The following KIF26B variants were observed in gnomAD, a reference collection of about 807,000 sequenced individuals.
The protein encoded by KIF26B is kinesin-like protein KIF26B.
Under a neutral mutation model 151.2 loss-of-function variants are expected in KIF26B, and 63 were observed. That is an observed-to-expected ratio of 0.42 (90% CI 0.34 to 0.51). KIF26B has a LOEUF of 0.51. KIF26B is among the 20% of genes least tolerant of loss of function. KIF26B has a pLI of 0.07. For missense variants in KIF26B, 2,813 were observed against 2,913.6 expected (o/e 0.97, Z 0.79); for synonymous variants, 1,357 against 1,262.1 (o/e 1.08, Z -1.59).
At chr1:245,391,925 C>T (rs755680123) in intron 3 of KIF26B, among the ~76,000 whole-genome samples, 1 of 151,740 alleles carries the variant, frequency 6.6e-6, no homozygotes, top group Non-Finnish European at 1.5e-5. Context: ...ATCAGGAGAC[C>T]CTGGGAAAGA....
intron 8 of KIF26B, among the ~76,000 whole-genome samples, chr1:245,609,799 C>CA (rs11379502): frequency 0.49 from 72,545 of 148,178 alleles, 18,208 homozygotes; most frequent in East Asian, 0.66. Flanking sequence ...ATGCCCCTTT[C>CA]AAAAAAAAAA....
intron 2 of KIF26B, among the ~76,000 whole-genome samples, chr1:245,209,965 C>T (rs1235256839): frequency 6.6e-6 from 1 of 152,232 alleles, no homozygotes; most frequent in Non-Finnish European, 1.5e-5. Context: ...TGACTGTTAA[C>T]CTGTGGGGGT....
intron 4 of KIF26B, among the ~76,000 whole-genome samples, chr1:245,464,280 C>T (rs924003770): frequency 3.3e-5 from 5 of 152,324 alleles, no homozygotes; most frequent in Middle Eastern, 3.4e-3. Flanking sequence ...GAGTCGATGT[C>T]TCAGGAGAGG....
At position 245,390,943 on chromosome 1, in the gene KIF26B, A is replaced by AAAAACAAAACAAAAC. The variant is rs1553270126; in HGVS notation, c.999+23580_999+23581insCAAAACAAAACAAAA. Among the ~76,000 whole-genome samples the AAAAACAAAACAAAAC allele has an allele frequency of 1.7e-3, 206 of 118,430 alleles. 9 individuals carry two copies. The highest frequency in any genetic ancestry group is 8.3e-3 in the African/African-American group (203 of 24,420). 77.7% of individuals were successfully genotyped at this position (118,430 alleles called of 152,430 possible). A position where few individuals can be genotyped will look rare whatever the true frequency, so the allele number is the denominator to read the frequency against. On this transcript the variant is annotated intron_variant, in intron 3 of 14. Coordinates refer to ENST00000407071, the MANE Select transcript of KIF26B (RefSeq NM_018012.4). Reference sequence around the variant, plus strand: ...TCTCAAAAAAAAAAAAAAAAAAAAAAAAAAAAAAACCACCATAAAATTTTG... The same window carrying AAAAACAAAACAAAAC: ...TCTCAAAAAAAAAAAAAAAAAAAAAAAAAACAAAACAAAACAAAAAAAAACCACCATAAAATTTTG...
intron 4 of KIF26B, among the ~76,000 whole-genome samples, chr1:245,472,565 T>G (rs1237568279): frequency 6.6e-6 from 1 of 152,222 alleles, no homozygotes; most frequent in African/African-American, 2.4e-5. Context: ...TAAAAAGTTT[T>G]GGATTCTGGA....
chr1:245,359,022 C>CTTTT (rs544907561), intron 2 of KIF26B, among the ~76,000 whole-genome samples: 2 of 147,556 alleles, frequency 1.4e-5, no homozygotes, highest in African/African-American at 2.5e-5. Flanking sequence ...GTTTCTCTCT[C>CTTTT]TTTTTTTTTT....
intron 4 of KIF26B, among the ~76,000 whole-genome samples, chr1:245,437,933 T>A (rs1658974243): frequency 6.6e-6 from 1 of 152,162 alleles, no homozygotes; most frequent in African/African-American, 2.4e-5. Context: ...CTCTAAGAAT[T>A]TAGTCCCATT....
intron 2 of KIF26B, among the ~76,000 whole-genome samples, chr1:245,276,227 C>G (rs1342088949): frequency 6.6e-6 from 1 of 151,982 alleles, no homozygotes; most frequent in African/African-American, 2.4e-5. Flanking sequence ...CCCAACTACT[C>G]AGGAGGCTGA....
chr1:245,435,529 G>T (rs1483656012), intron 4 of KIF26B, among the ~76,000 whole-genome samples: 1 of 152,188 alleles, frequency 6.6e-6, no homozygotes, highest in Non-Finnish European at 1.5e-5. Flanking sequence ...TACTTGTCTA[G>T]CTTATTCCAT....
At position 245,540,722 on chromosome 1, in the gene KIF26B, G is replaced by T. The variant is rs1028203015; in HGVS notation, c.1167-45G>T. The T allele has an allele frequency of 5.2e-6, 8 of 1,537,838 alleles. No individual in the cohort carries two copies. The African/African-American group carries it at 1.1e-4, about 21-fold the overall frequency. ...AAAACGAAGTAAGCCTAGCAGATCT[G>T]ATCGTACAATCATTTTCCCCTTATT... On this transcript the variant is annotated intron_variant, in intron 4 of 14. Coordinates refer to ENST00000407071, the MANE Select transcript of KIF26B (RefSeq NM_018012.4). The surrounding 1 kb of genome is among the most constrained non-coding windows in gnomAD (Gnocchi z 4.6).
At chr1:245,156,205 G>A in intron 1 of KIF26B, 77 bp from the exon 2 acceptor site, 1 of 1,491,000 alleles carries the variant, frequency 6.7e-7, no homozygotes, top group Non-Finnish European at 8.9e-7. Flanking sequence ...GTACTTGGTG[G>A]CGCACGTATG....
intron 4 of KIF26B, among the ~76,000 whole-genome samples, chr1:245,433,165 T>C (rs1658821699): frequency 6.6e-6 from 1 of 152,116 alleles, no homozygotes; most frequent in African/African-American, 2.4e-5. Context: ...GAGACTCAAA[T>C]ATTTAAAAGC....
chr1:245,311,445 C>T lies in KIF26B; in HGVS notation c.466-55389C>T, dbSNP rs9428353. 4.7e-3 allele frequency among the ~76,000 whole-genome samples: 719 copies of T among 151,976 alleles called. 4 individuals are homozygous for T. Among genetic ancestry groups the T allele is most frequent in the African/African-American group, 0.016 (656 of 41,450 alleles). On this transcript the variant is annotated intron_variant, in intron 2 of 14. Transcript: ENST00000407071. ...CGCCTGCTCTTTTTTGGGGAAGTTC[C>T]ACCTCACTGCAGCCGGGTATGGTGG...
At chr1:245,464,996 T>C in intron 4 of KIF26B, among the ~76,000 whole-genome samples, 1 of 84,390 alleles carries the variant, frequency 1.2e-5, no homozygotes, top group South Asian at 3.4e-4. Context: ...TTTTTTTTTT[T>C]GAGACTGAGT....
At chr1:245,298,230 G>A (rs545779852) in intron 2 of KIF26B, among the ~76,000 whole-genome samples, 182 of 152,254 alleles carry the variant, frequency 1.2e-3, no homozygotes, top group African/African-American at 4.1e-3. Flanking sequence ...CATTCACTAC[G>A]AGTAGGCTCA....
At chr1:245,345,294 TC>T (rs1242820506) in intron 2 of KIF26B, among the ~76,000 whole-genome samples, 1 of 151,996 alleles carries the variant, frequency 6.6e-6, no homozygotes, top group East Asian at 1.9e-4. Context: ...AGAAACCTCA[TC>T]CCCTCCCTCC....
chr1:245,243,799 C>G (rs946168020), intron 2 of KIF26B, among the ~76,000 whole-genome samples: 1 of 151,544 alleles, frequency 6.6e-6, no homozygotes, highest in African/African-American at 2.4e-5. Flanking sequence ...TGCAGTGGGC[C>G]GAGATCATGC....
rs1202764836 is a variant in KIF26B, at chr1:245,218,095, C to T, written c.465+61412C>T. Among the ~76,000 whole-genome samples the T allele has an allele frequency of 1.3e-5, 2 of 152,226 alleles. No homozygotes were observed. Among genetic ancestry groups the T allele is most frequent in the Admixed American group, 1.3e-4 (2 of 15,286 alleles). ...GGTGACTCTGAAGAGAGCCCACCTA[C>T]AGTCCAGCATGTCTGGATCCTGTGC... is the stretch of plus-strand genomic sequence containing the variant. On this transcript the variant is annotated intron_variant, in intron 2 of 14. Coordinates refer to ENST00000407071, the MANE Select transcript of KIF26B (RefSeq NM_018012.4). The surrounding 1 kb of genome is among the most constrained non-coding windows in gnomAD (Gnocchi z 4.1).
chr1:245,527,002 G>T (rs1228413525), intron 4 of KIF26B, among the ~76,000 whole-genome samples: 1 of 152,168 alleles, frequency 6.6e-6, no homozygotes, highest in Non-Finnish European at 1.5e-5. Context: ...AAATACTAAG[G>T]AAAACTCTAA....
Sources: allele counts gnomAD v4.1 joint callset (sites outside exome capture counted in the v4.1 genomes callset), GRCh38; gene constraint gnomAD v4.1.1; non-coding constraint Gnocchi (gnomAD v3.1); transcripts MANE v1.5; gene names NCBI Gene and HGNC (gene_info 2026-07-23, HGNC 2026-07-21).